The following SMYD3 variants were observed in gnomAD, a reference collection of about 807,000 sequenced individuals.
The protein encoded by SMYD3 is SET and MYND domain containing 3.
In SMYD3, 36 loss-of-function variants were observed where a neutral mutation model predicts 57.7. That is an observed-to-expected ratio of 0.62 (90% CI 0.48 to 0.82). SMYD3 has a LOEUF of 0.82. Ranked by LOEUF, SMYD3 falls within the 40% of genes least tolerant of loss-of-function variation. SMYD3 has a pLI of 0.00. For synonymous variants in SMYD3, 211 were observed against 195.0 expected (o/e 1.08, Z -0.68); for missense variants, 515 against 538.8 (o/e 0.96, Z 0.44).
intron 5 of SMYD3, among the ~76,000 whole-genome samples, chr1:246,224,695 G>A (rs1214986127): frequency 6.6e-6 from 1 of 151,940 alleles, no homozygotes; most frequent in Non-Finnish European, 1.5e-5. Flanking sequence ...ATGATGTTAC[G>A]TTAGACTATA....
At chr1:246,362,493 G>T (rs2066008474) in intron 1 of SMYD3, among the ~76,000 whole-genome samples, 1 of 147,000 alleles carries the variant, frequency 6.8e-6, no homozygotes, top group South Asian at 2.1e-4. Context: ...TCTTTCCACG[G>T]TCTCCCTCTG....
chr1:246,006,596 AT>A (rs753826560), intron 5 of SMYD3, among the ~76,000 whole-genome samples: 2 of 152,210 alleles, frequency 1.3e-5, no homozygotes, highest in Non-Finnish European at 2.9e-5. Context: ...AAACTAAAAA[AT>A]AAATGGAAAT....
chr1:246,413,260 G>A (rs1294843104), intron 1 of SMYD3, among the ~76,000 whole-genome samples: 2 of 152,132 alleles, frequency 1.3e-5, no homozygotes, highest in Non-Finnish European at 2.9e-5. Context: ...AAGTCAGGTT[G>A]CCCAAAGTCA....
At chr1:246,156,001 T>A (rs778252447) in intron 5 of SMYD3, among the ~76,000 whole-genome samples, 9 of 150,612 alleles carry the variant, frequency 6.0e-5, no homozygotes, top group Non-Finnish European at 1.2e-4. Flanking sequence ...AAAAAAAAAA[T>A]ATATCGACCT....
chr1:246,122,418 TCAAA>T (rs1317615599), intron 5 of SMYD3, among the ~76,000 whole-genome samples: 1 of 152,164 alleles, frequency 6.6e-6, no homozygotes, highest in Non-Finnish European at 1.5e-5. Flanking sequence ...GTGCTGTTTC[TCAAA>T]CACAGAGTCA....
chr1:245,757,758 C>T (rs771293692), intron 11 of SMYD3, among the ~76,000 whole-genome samples: 6 of 152,036 alleles, frequency 3.9e-5, no homozygotes, highest in Non-Finnish European at 7.4e-5. Context: ...TATTTCTGGG[C>T]TCTCTATTCT....
At chr1:246,324,413 T>C (rs527581752) in intron 5 of SMYD3, among the ~76,000 whole-genome samples, 1 of 89,428 alleles carries the variant, frequency 1.1e-5, no homozygotes, top group Non-Finnish European at 2.0e-5. Context: ...GAAAACTCCA[T>C]CTCAAAAAAA....
intron 5 of SMYD3, among the ~76,000 whole-genome samples, chr1:246,012,559 C>T (rs539532628): frequency 3.3e-5 from 5 of 152,282 alleles, no homozygotes; most frequent in Admixed American, 3.3e-4. Context: ...CTATCGACAG[C>T]GTGTGCATAT....
intron 5 of SMYD3, among the ~76,000 whole-genome samples, chr1:246,298,322 T>C (rs1428792678): frequency 6.6e-6 from 1 of 151,624 alleles, no homozygotes; most frequent in African/African-American, 2.4e-5. Context: ...AGGTGGCAAA[T>C]TGAAATAATC....
intron 5 of SMYD3, among the ~76,000 whole-genome samples, chr1:246,290,601 T>C (rs2064670468): frequency 6.6e-6 from 1 of 152,218 alleles, no homozygotes; most frequent in Non-Finnish European, 1.5e-5. Flanking sequence ...TAATTTTTCA[T>C]GCTCAAGTGT....
At chr1:246,283,854 T>A (rs1483638643) in intron 5 of SMYD3, among the ~76,000 whole-genome samples, 2 of 152,160 alleles carry the variant, frequency 1.3e-5, no homozygotes, top group Non-Finnish European at 2.9e-5. Context: ...TCACAGCCCA[T>A]GACAACTGTG....
intron 1 of SMYD3, among the ~76,000 whole-genome samples, chr1:246,501,273 C>A (rs1409048852): frequency 6.6e-6 from 1 of 152,170 alleles, no homozygotes; most frequent in African/African-American, 2.4e-5. Context: ...CTCTACTGAC[C>A]CTTAAACCTT....
intron 10 of SMYD3, among the ~76,000 whole-genome samples, chr1:245,802,841 C>T (rs1026873852): frequency 2.4e-4 from 37 of 152,198 alleles, no homozygotes; most frequent in Non-Finnish European, 4.1e-4. Context: ...TCGTCTTAAG[C>T]TCTTATCTTG....
intron 5 of SMYD3, among the ~76,000 whole-genome samples, chr1:246,214,619 G>A (rs191092428): frequency 2.0e-5 from 3 of 152,280 alleles, no homozygotes; most frequent in Admixed American, 1.3e-4. Flanking sequence ...AAGGCTAAGA[G>A]AGAAACCAAT....
chr1:245,884,462 A>G (rs556030139), intron 8 of SMYD3, among the ~76,000 whole-genome samples: 6 of 152,248 alleles, frequency 3.9e-5, no homozygotes, highest in African/African-American at 1.4e-4. Context: ...GACAAGCTTG[A>G]GGAGGCAGTG....
At chr1:245,822,575 G>A (rs1356376311) in intron 10 of SMYD3, among the ~76,000 whole-genome samples, 5 of 148,070 alleles carry the variant, frequency 3.4e-5, no homozygotes, top group African/African-American at 1.2e-4. Flanking sequence ...AAAAGCCACC[G>A]CCAGCATGCC....
At chr1:246,373,269 A>C (rs1025229390) in intron 1 of SMYD3, among the ~76,000 whole-genome samples, 1 of 152,210 alleles carries the variant, frequency 6.6e-6, no homozygotes, top group African/African-American at 2.4e-5. Flanking sequence ...ATGAAAAGGA[A>C]ATATGTATTA....
intron 1 of SMYD3, among the ~76,000 whole-genome samples, chr1:246,393,528 A>G (rs1198158851): frequency 6.6e-6 from 1 of 152,094 alleles, no homozygotes; most frequent in Admixed American, 6.6e-5. Context: ...AGAAATTTAT[A>G]ATATTAGATA....
At chr1:246,309,472 C>G (rs1437573850) in intron 5 of SMYD3, among the ~76,000 whole-genome samples, 2 of 152,086 alleles carry the variant, frequency 1.3e-5, no homozygotes, top group African/African-American at 4.8e-5. Context: ...AAATGAATGC[C>G]CCTGAAAACA....
Sources: gnomAD v4.1 joint callset for allele counts (sites outside exome capture counted in the v4.1 genomes callset) on GRCh38, gnomAD v4.1.1 for gene constraint, MANE v1.5 for transcripts, NCBI Gene and HGNC (gene_info 2026-07-23, HGNC 2026-07-21) for gene names.